The following FCHSD2 variants were observed in gnomAD, a reference collection of about 807,000 sequenced individuals.
FCHSD2 encodes FCH and double SH3 domains 2.
Under a neutral mutation model 108.1 loss-of-function variants are expected in FCHSD2, and 38 were observed. That is an observed-to-expected ratio of 0.35 (90% CI 0.27 to 0.46). The LOEUF (loss-of-function observed/expected upper bound fraction) is 0.46, where lower values mean the gene tolerates loss of function less well. Ranked by LOEUF, FCHSD2 falls within the 20% of genes least tolerant of loss-of-function variation. The probability of loss-of-function intolerance (pLI) is 1.00; values close to 1 mark genes in which losing one functional copy is unlikely to be tolerated. For missense variants in FCHSD2, 751 were observed against 897.8 expected, an observed-to-expected ratio of 0.84 and a Z score of 2.09; for synonymous variants, 279 against 314.7, an observed-to-expected ratio of 0.89 and a Z score of 1.20.
intron 8 of FCHSD2, among the ~76,000 whole-genome samples, chr11:72,968,651 T>C (rs1443624402): frequency 1.3e-5 from 2 of 152,216 alleles, no homozygotes; most frequent in African/African-American, 2.4e-5. Context: ...AAAATGATAG[T>C]GCTGGCATGG....
rs765218909 is a variant in FCHSD2 at position 72,922,094 on chromosome 11, A to C, written c.706-144T>G. 5.2e-4 allele frequency: 305 copies of C among 590,800 alleles called. 1 individual carries two copies. The highest frequency in any genetic ancestry group is 7.5e-4 in the Non-Finnish European group (255 of 341,082). 36.6% of individuals were successfully genotyped at this position (590,800 alleles called of 1,614,324 possible). ...GACAAAAGATACAGATTGTAAGTAA[A>C]TATGAACAGTTAACAATCACTTGAG... is the stretch of plus-strand genomic sequence containing the variant. On this transcript the variant is annotated intron_variant, in intron 8 of 19. Coordinates refer to ENST00000409418, the MANE Select transcript of FCHSD2 (RefSeq NM_014824.3).
At chr11:73,053,917 A>AT (rs1408031931) in intron 3 of FCHSD2, among the ~76,000 whole-genome samples, 6 of 152,208 alleles carry the variant, frequency 3.9e-5, no homozygotes, top group African/African-American at 1.4e-4. Flanking sequence ...TAATCTAAAA[A>AT]TTTTAACCAT....
intron 2 of FCHSD2, among the ~76,000 whole-genome samples, chr11:73,136,786 T>C (rs1353654218): frequency 1.3e-5 from 2 of 152,082 alleles, no homozygotes; most frequent in Admixed American, 6.5e-5. Flanking sequence ...TCCTAGCACT[T>C]TGGGAGGCCG....
chr11:73,120,819 G>A (rs373554640), intron 2 of FCHSD2, among the ~76,000 whole-genome samples: 192 of 150,796 alleles, frequency 1.3e-3, no homozygotes, highest in Non-Finnish European at 2.3e-3. Flanking sequence ...CAGTCTGGAG[G>A]TGAAGATATA....
intron 10 of FCHSD2, among the ~76,000 whole-genome samples, chr11:72,890,362 TAA>T (rs1232856231): frequency 6.9e-6 from 1 of 145,272 alleles, no homozygotes; most frequent in East Asian, 2.0e-4. Context: ...AAAGAATCAT[TAA>T]AGAGAAGTAA....
At chr11:72,925,417 T>C (rs972431553) in intron 8 of FCHSD2, among the ~76,000 whole-genome samples, 8 of 152,184 alleles carry the variant, frequency 5.3e-5, no homozygotes, top group African/African-American at 1.9e-4. Flanking sequence ...TCTCAGCTAC[T>C]TGGGAGGCTG....
chr11:73,038,109 C>T (rs926363317), intron 3 of FCHSD2, among the ~76,000 whole-genome samples: 7 of 151,982 alleles, frequency 4.6e-5, no homozygotes, highest in East Asian at 1.9e-4. Context: ...ATTCTTATGA[C>T]GAGGTGGGAA....
intron 2 of FCHSD2, among the ~76,000 whole-genome samples, chr11:73,133,788 G>A (rs1373001385): frequency 1.2e-3 from 53 of 43,644 alleles, no homozygotes; most frequent in African/African-American, 5.4e-3. Context: ...GAGAAACTCC[G>A]TCTCAAAAAA....
rs567590743 is a variant in FCHSD2 at position 73,107,320 on chromosome 11, T to C, written c.120-23580A>G. ...AGCTCGGCCTCCCAAAGTGCTGAGA[T>C]TACAGGCATGAGCTACCACACCTGG... On this transcript the variant is annotated intron_variant, in intron 2 of 19. Coordinates refer to ENST00000409418, the MANE Select transcript of FCHSD2 (RefSeq NM_014824.3). 2.8e-3 allele frequency among the ~76,000 whole-genome samples: 420 copies of C among 152,320 alleles called. 1 individual carries two copies. Among genetic ancestry groups the C allele is most frequent in the African/African-American group, 9.6e-3 (399 of 41,574 alleles).
intron 3 of FCHSD2, among the ~76,000 whole-genome samples, chr11:73,083,194 G>A (rs1859737134): frequency 6.6e-6 from 1 of 152,108 alleles, no homozygotes; most frequent in Admixed American, 6.5e-5. Flanking sequence ...TCTCCTCCAG[G>A]TTTACAACCT....
chr11:73,120,050 G>A (rs1194222428), intron 2 of FCHSD2, among the ~76,000 whole-genome samples: 2 of 152,128 alleles, frequency 1.3e-5, no homozygotes, highest in East Asian at 3.9e-4. Context: ...AGATGCAAAA[G>A]CAGAAACCCC....
At chr11:72,895,612 C>T (rs1855401890) in intron 10 of FCHSD2, among the ~76,000 whole-genome samples, 1 of 152,136 alleles carries the variant, frequency 6.6e-6, no homozygotes, top group Non-Finnish European at 1.5e-5. Flanking sequence ...GATGGTTAGA[C>T]AAGGAACCAG....
chr11:72,915,881 C>G (rs1394076073), intron 9 of FCHSD2, among the ~76,000 whole-genome samples: 1 of 152,074 alleles, frequency 6.6e-6, no homozygotes. Context: ...GAACACTATG[C>G]AGCCATAAAA....
chr11:72,921,962 G>T lies in FCHSD2; in HGVS notation c.706-12C>A. On this transcript the variant is annotated splice_polypyrimidine_tract_variant and intron_variant, in intron 8 of 19. Transcript: ENST00000409418. ...TTTCCATCAAGAGCCTGTAATAGAG[G>T]AGTAAATAAAAGAAAAAAAATTACA... is the stretch of plus-strand genomic sequence containing the variant. The T allele has an allele frequency of 6.4e-7, 1 of 1,563,220 alleles. No individual in the cohort carries two copies. The highest frequency in any genetic ancestry group is 2.3e-5 in the East Asian group (1 of 43,740).
At position 73,068,626 on chromosome 11, in the gene FCHSD2, T is replaced by C. The variant is rs181116107; in HGVS notation, c.165+15069A>G. Among the ~76,000 whole-genome samples, 6 of 151,790 alleles carry C rather than the reference T, an allele frequency of 4.0e-5. No homozygotes were observed. The East Asian group carries it at 7.7e-4, about 20-fold the overall frequency. On this transcript the variant is annotated intron_variant, in intron 3 of 19. Coordinates refer to ENST00000409418, the MANE Select transcript of FCHSD2 (RefSeq NM_014824.3). Reference sequence around the variant, plus strand: ...TTTATACAGTTAACAAAATTAACAATTGGAACACACATTTGGTACAGATGA... The same window carrying C: ...TTTATACAGTTAACAAAATTAACAACTGGAACACACATTTGGTACAGATGA...
chr11:73,062,693 T>C (rs1042903444), intron 3 of FCHSD2, among the ~76,000 whole-genome samples: 2 of 152,060 alleles, frequency 1.3e-5, no homozygotes, highest in Admixed American at 6.6e-5. Context: ...ATACCAGTGA[T>C]TGAAGATAAA....
intron 19 of FCHSD2, among the ~76,000 whole-genome samples, chr11:72,840,153 G>A (rs1860869006): frequency 6.6e-6 from 1 of 152,094 alleles, no homozygotes; most frequent in East Asian, 1.9e-4. Context: ...AGCTGCCATA[G>A]CGATGCTTTA....
intron 8 of FCHSD2, among the ~76,000 whole-genome samples, chr11:72,931,885 T>C (rs1412772793): frequency 3.3e-5 from 5 of 152,234 alleles, no homozygotes; most frequent in African/African-American, 1.2e-4. Flanking sequence ...GATCTTGCAA[T>C]AGCATTCTGG....
chr11:73,111,055 T>C (rs939107235), intron 2 of FCHSD2, among the ~76,000 whole-genome samples: 4 of 151,820 alleles, frequency 2.6e-5, no homozygotes, highest in African/African-American at 9.7e-5. Flanking sequence ...ATTTCAGGGG[T>C]TTTTTTTAAT....
Sources: gnomAD v4.1 joint callset for allele counts (sites outside exome capture counted in the v4.1 genomes callset) on GRCh38, gnomAD v4.1.1 for gene constraint, MANE v1.5 for transcripts, NCBI Gene and HGNC (gene_info 2026-07-23, HGNC 2026-07-21) for gene names.